Variants in PRKN observed in about 807,000 individuals in gnomAD.
The protein encoded by PRKN is parkin RBR E3 ubiquitin protein ligase, also known as E3 ubiquitin-protein ligase parkin.
PRKN carries 56 observed loss-of-function variants against 59.5 expected under a neutral mutation model. The ratio of observed to expected loss-of-function variants is 0.94; its 90% CI spans 0.76 to 1.18. The LOEUF (loss-of-function observed/expected upper bound fraction) is 1.18. Ranked by LOEUF, PRKN falls within the 50% of genes most tolerant of loss-of-function variation. The pLI, the probability that PRKN is intolerant of heterozygous loss-of-function variation, is 0.00. For synonymous variants in PRKN, 250 were observed against 222.1 expected (o/e 1.13, Z -1.12); for missense variants, 657 against 596.4 (o/e 1.10, Z -1.06).
At chr6:162,415,108 C>A (rs189454570) in intron 2 of PRKN, among the ~76,000 whole-genome samples, 1 of 152,128 alleles carries the variant, frequency 6.6e-6, no homozygotes, top group Non-Finnish European at 1.5e-5. Flanking sequence ...TTTCTGAAAT[C>A]GAAGATGCGG....
chr6:162,524,969 G>A lies in PRKN; in HGVS notation c.8-81496C>T, dbSNP rs1778222143. Among the ~76,000 whole-genome samples the A allele has an allele frequency of 2.0e-5, 3 of 152,264 alleles. No homozygotes were observed. The South Asian group carries it at 6.2e-4, about 32-fold the overall frequency. ...ATATCACTGATTCTTCAAAATGGAG[G>A]TTAAAATGTAAGTGACTGATCTTTC... is the stretch of plus-strand genomic sequence containing the variant. On this transcript the variant is annotated intron_variant, in intron 1 of 11. Coordinates refer to ENST00000366898, the MANE Select transcript of PRKN (RefSeq NM_004562.3).
chr6:162,123,533 A>G (rs1781006262), intron 4 of PRKN, among the ~76,000 whole-genome samples: 1 of 152,170 alleles, frequency 6.6e-6, no homozygotes, highest in African/African-American at 2.4e-5. Flanking sequence ...TTATCATTTA[A>G]GTTATTCTTT....
At chr6:162,493,310 C>G (rs1465722614) in intron 1 of PRKN, among the ~76,000 whole-genome samples, 6 of 152,014 alleles carry the variant, frequency 3.9e-5, no homozygotes, top group Non-Finnish European at 8.8e-5. Flanking sequence ...AGGTTGGAGA[C>G]AGTAAAAGGA....
chr6:162,626,811 C>T (rs938802190), intron 1 of PRKN, among the ~76,000 whole-genome samples: 3 of 67,046 alleles, frequency 4.5e-5, no homozygotes, highest in African/African-American at 2.2e-4. Flanking sequence ...GAGACTCTGT[C>T]TCCAAAAAAA....
In PRKN at chr6:161,423,150, A is replaced by C. The variant is rs948626612; in HGVS notation, c.1084-36273T>G. 1.3e-5 allele frequency among the ~76,000 whole-genome samples: 2 copies of C among 152,186 alleles called. No homozygotes were observed. The highest frequency in any genetic ancestry group is 2.9e-5 in the Non-Finnish European group (2 of 68,036). ...TTGACAGCTGCACTGGGTGTGAGATATCAGCATCTTTAATGTATGCCAGCC... is the reference window on the plus strand; with the variant it reads ...TTGACAGCTGCACTGGGTGTGAGATCTCAGCATCTTTAATGTATGCCAGCC... On this transcript the variant is annotated intron_variant, in intron 9 of 11. Transcript: ENST00000366898. This position sits in a 1 kb window ranked among gnomAD's most constrained non-coding sequence, Gnocchi z 5.9.
At chr6:161,886,267 T>C (rs969217939) in intron 6 of PRKN, among the ~76,000 whole-genome samples, 9 of 152,192 alleles carry the variant, frequency 5.9e-5, no homozygotes. Flanking sequence ...TACTGATAAA[T>C]CTCAATCTGA....
chr6:162,126,922 C>T (rs1218916975), intron 4 of PRKN, among the ~76,000 whole-genome samples: 1 of 152,206 alleles, frequency 6.6e-6, no homozygotes, highest in Non-Finnish European at 1.5e-5. Flanking sequence ...CTGAACTGCA[C>T]TTTGCATTTA....
intron 5 of PRKN, among the ~76,000 whole-genome samples, chr6:162,000,042 C>G (rs1781992177): frequency 6.6e-6 from 1 of 152,026 alleles, no homozygotes; most frequent in African/African-American, 2.4e-5. Context: ...TTCCATCCAT[C>G]TACTGAAGGA....
chr6:162,486,088 C>T (rs1395405836), intron 1 of PRKN, among the ~76,000 whole-genome samples: 1 of 152,068 alleles, frequency 6.6e-6, no homozygotes, highest in African/African-American at 2.4e-5. Flanking sequence ...AACGTGCATA[C>T]ACTTTAAAAA....
At position 161,936,691 on chromosome 6, in the gene PRKN, C is replaced by A. The variant is rs1779369876; in HGVS notation, c.734+36611G>T. Among the ~76,000 whole-genome samples, 3 of 152,120 alleles carry A rather than the reference C, an allele frequency of 2.0e-5. No homozygotes were observed. In the South Asian group the frequency reaches 6.2e-4, roughly 31 times the overall value. ...ACGAGAAAGCTCTGATAACTCTTCT[C>A]ATTGAGGAAGGGCAAATATGCAAGT... On this transcript the variant is annotated intron_variant, in intron 6 of 11. Coordinates refer to ENST00000366898, the MANE Select transcript of PRKN (RefSeq NM_004562.3).
intron 7 of PRKN, among the ~76,000 whole-genome samples, chr6:161,689,349 A>T (rs1014953267): frequency 1.7e-4 from 26 of 152,180 alleles, no homozygotes; most frequent in African/African-American, 6.0e-4. Flanking sequence ...TATTGCTAAC[A>T]CTTTTATTTT....
chr6:162,024,474 G>C (rs556951365), intron 5 of PRKN, among the ~76,000 whole-genome samples: 2 of 152,278 alleles, frequency 1.3e-5, no homozygotes, highest in African/African-American at 4.8e-5. Context: ...TGGGATTATA[G>C]GCGTGAGCCA....
At chr6:162,036,515 G>A (rs1383302235) in intron 5 of PRKN, among the ~76,000 whole-genome samples, 1 of 151,294 alleles carries the variant, frequency 6.6e-6, no homozygotes, top group Non-Finnish European at 1.5e-5. Flanking sequence ...GAGTAGCTGG[G>A]ATTACAGGCA....
chr6:161,788,100 CA>C (rs1400072619), intron 6 of PRKN, among the ~76,000 whole-genome samples: 1 of 152,210 alleles, frequency 6.6e-6, no homozygotes, highest in Non-Finnish European at 1.5e-5. Flanking sequence ...CAGGCTTTTC[CA>C]TTCCTGTTAG....
Position 161,895,617 on chromosome 6 carries a change from A to T in PRKN, c.734+77685T>A, listed in dbSNP as rs71551173. On this transcript the variant is annotated intron_variant, in intron 6 of 11. Coordinates refer to ENST00000366898, the MANE Select transcript of PRKN (RefSeq NM_004562.3). ...TGAGATTCAGGAGCACGCCCACCCC[A>T]CCTGCTGTTATGCTCCCCAGTGAGG... is the stretch of plus-strand genomic sequence containing the variant. Among the ~76,000 whole-genome samples the T allele has an allele frequency of 9.5e-3, 525 of 55,322 alleles. 16 individuals carry two copies. Among genetic ancestry groups the T allele is most frequent in the African/African-American group, 0.03 (370 of 12,182 alleles). 36.3% of individuals were successfully genotyped at this position (55,322 alleles called of 152,430 possible). A position where few individuals can be genotyped will look rare whatever the true frequency, so the allele number is the denominator to read the frequency against.
intron 4 of PRKN, among the ~76,000 whole-genome samples, chr6:162,130,412 G>A (rs1055284353): frequency 1.3e-5 from 2 of 151,940 alleles, no homozygotes; most frequent in East Asian, 1.9e-4. Context: ...ACACGGACAC[G>A]TAATTTTGCA....
rs13214098 is a variant in PRKN, at chr6:162,207,535, C to A, written c.413-6283G>T. Reference sequence around the variant, plus strand: ...GTCAGCACTCTCTGGAAAGGTCATGCAGCCAACCGATTCACTTGACCGTCC... The same window carrying A: ...GTCAGCACTCTCTGGAAAGGTCATGAAGCCAACCGATTCACTTGACCGTCC... On this transcript the variant is annotated intron_variant, in intron 3 of 11. Transcript: ENST00000366898. Among the ~76,000 whole-genome samples, 487 of 152,300 alleles carry A rather than the reference C, an allele frequency of 3.2e-3. 5 individuals carry two copies. Among genetic ancestry groups the A allele is most frequent in the Non-Finnish European group, 3.4e-3 (229 of 68,030 alleles).
At chr6:162,329,200 C>T (rs1783457019) in intron 2 of PRKN, among the ~76,000 whole-genome samples, 1 of 152,132 alleles carries the variant, frequency 6.6e-6, no homozygotes, top group Non-Finnish European at 1.5e-5. Context: ...AGAACAGCTC[C>T]AGCCATATAA....
At chr6:161,742,787 T>C (rs965272991) in intron 7 of PRKN, among the ~76,000 whole-genome samples, 1 of 152,154 alleles carries the variant, frequency 6.6e-6, no homozygotes, top group South Asian at 2.1e-4. Context: ...AGTAGCACCA[T>C]GGCATTTTGA....
Sources: gnomAD v4.1 joint callset for allele counts (sites outside exome capture counted in the v4.1 genomes callset) on GRCh38, gnomAD v4.1.1 for gene constraint, Gnocchi (gnomAD v3.1) non-coding constraint, MANE v1.5 for transcripts, NCBI Gene and HGNC (gene_info 2026-07-23, HGNC 2026-07-21) for gene names.